Variants in DSN1 observed in about 807,000 individuals in gnomAD.
The protein encoded by DSN1 is kinetochore-associated protein DSN1 homolog.
DSN1 carries 31 observed loss-of-function variants against 45.7 expected under a neutral mutation model. The observed-to-expected ratio is 0.68, with a 90% CI of 0.51 to 0.92. DSN1 has a LOEUF of 0.92. Ranked by LOEUF, DSN1 falls within the 40% of genes least tolerant of loss-of-function variation. The pLI is 0.00. For missense variants in DSN1, 394 were observed against 414.2 expected (o/e 0.95, Z 0.42); for synonymous variants, 134 against 142.3 (o/e 0.94, Z 0.41).
intron 2 of DSN1, 26 bp from the exon 3 acceptor site, chr20:36,771,219 A>G (rs1987633066): frequency 3.8e-6 from 6 of 1,564,698 alleles, no homozygotes; most frequent in Non-Finnish European, 5.2e-6. Flanking sequence ...AAAAAGTCAA[A>G]ATACAAGATC....
chr20:36,754,002 G>A (rs1468466982), intron 10 of DSN1, among the ~76,000 whole-genome samples: 4 of 148,808 alleles, frequency 2.7e-5, no homozygotes, highest in Non-Finnish European at 5.9e-5. Context: ...GTGAAACTCC[G>A]TCTCAAAAAA....
intron 6 of DSN1, among the ~76,000 whole-genome samples, chr20:36,760,308 G>A (rs1986908596): frequency 1.3e-5 from 2 of 152,060 alleles, no homozygotes; most frequent in South Asian, 4.1e-4. Context: ...CAGAAGAAAA[G>A]TCAAAACTCC....
intron 5 of DSN1, among the ~76,000 whole-genome samples, chr20:36,766,316 A>C (rs1271368182): frequency 6.6e-6 from 1 of 152,058 alleles, no homozygotes; most frequent in East Asian, 1.9e-4. Flanking sequence ...ATGGAAGGGA[A>C]GATTATTTTC....
intron 5 of DSN1, among the ~76,000 whole-genome samples, chr20:36,765,875 A>G (rs1218001159): frequency 1.3e-5 from 2 of 150,024 alleles, no homozygotes; most frequent in Non-Finnish European, 3.0e-5. Flanking sequence ...AAAAAACAAC[A>G]CTTAAAGCCT....
Position 36,767,993 on chromosome 20 carries a change from G to A in DSN1, c.405C>T (p.Gly135=). 1 of 1,614,118 alleles carries A rather than the reference G, an allele frequency of 6.2e-7. No individual in the cohort carries two copies. Among genetic ancestry groups the A allele is most frequent in the Non-Finnish European group, 8.5e-7 (1 of 1,180,010 alleles). The stretch of plus-strand genomic sequence containing the variant: ...CCTGGAAACTGGAAAGCAGGAGACA[G>A]CCAAGCCGTTTGCTTTCTGCTAAAT... ...SVDLAESKRL[G]CLLLSSFQFS... is the part of the protein sequence containing the mutation. Residue 135 remains glycine, a synonymous_variant, in exon 4 of 11, where the codon GGC becomes GGT. Transcript: ENST00000373750.
rs538540278 is a variant in DSN1, at chr20:36,765,337, C to T, written c.502+1432G>A. On this transcript the variant is annotated intron_variant, in intron 5 of 10. Transcript: ENST00000373750. ...TTGGGAGGCCAAGGTGGGCGGATCA[C>T]CTGAGGTCGGGAGTTCGAGACCAGC... is the stretch of plus-strand genomic sequence containing the variant. 1.3e-4 allele frequency among the ~76,000 whole-genome samples: 19 copies of T among 150,358 alleles called. No homozygotes were observed. In the East Asian group the frequency reaches 3.5e-3, roughly 28 times the overall value.
chr20:36,769,037 T>A (rs1266652200), intron 3 of DSN1, among the ~76,000 whole-genome samples: 3 of 152,204 alleles, frequency 2.0e-5, no homozygotes, highest in Non-Finnish European at 4.4e-5. Context: ...TCCATTCAGA[T>A]AACAGATAAT....
At chr20:36,769,721 AAAG>A (rs1184645183) in intron 3 of DSN1, among the ~76,000 whole-genome samples, 1 of 152,110 alleles carries the variant, frequency 6.6e-6, no homozygotes, top group East Asian at 1.9e-4. Flanking sequence ...ACCTTAAGAC[AAAG>A]AAGGTTAAGT....
In DSN1 at chr20:36,766,835, T is replaced by A; in HGVS notation, c.436A>T (p.Ile146Phe). 6.2e-7 allele frequency: 1 copy of A among 1,600,566 alleles called. No individual in the cohort carries two copies. Among genetic ancestry groups the A allele is most frequent in the Middle Eastern group, 1.7e-4 (1 of 6,040 alleles). Residue 146 changes from isoleucine (I) to phenylalanine (F), a missense_variant, in exon 5 of 11, where the codon ATT (isoleucine) becomes TTT (phenylalanine). Physicochemically the swap from Ile to Phe is conservative, Grantham distance 21 (BLOSUM62 0). Transcript: ENST00000373750. ...CTTAGGAAAGGTTCAAGTTTCTGAATAGAGAACTAAATAAAGAAAAGCATT... is the reference window on the plus strand; with the variant it reads ...CTTAGGAAAGGTTCAAGTTTCTGAAAAGAGAACTAAATAAAGAAAAGCATT... ...CLLLSSFQFSIQKLEPFLRDT... is the reference protein window; with the variant it reads ...CLLLSSFQFSFQKLEPFLRDT...
chr20:36,773,703 C>T lies in DSN1; in HGVS notation c.-57G>A. On this transcript the variant is annotated 5_prime_UTR_variant, in exon 1 of 11. Coordinates refer to ENST00000373750, the MANE Select transcript of DSN1 (RefSeq NM_001145315.2). ...CGGGTCGCTCTCCACAGCCCCAGGT[C>T]ACTCCTGGACGCCTTGCGCACCCGC... 1.0e-6 allele frequency: 1 copy of T among 985,564 alleles called. No individual in the cohort carries two copies. The highest frequency in any genetic ancestry group is 1.2e-6 in the Non-Finnish European group (1 of 829,996). 61.1% of individuals were successfully genotyped at this position (985,564 alleles called of 1,614,324 possible).
chr20:36,762,383 T>G (rs1987044839), intron 6 of DSN1, 78 bp downstream of exon 6: 2 of 1,348,248 alleles, frequency 1.5e-6, no homozygotes, highest in African/African-American at 2.9e-5. Flanking sequence ...GTGCTGGGAT[T>G]ACAGGCCTGA....
chr20:36,766,156 T>C (rs1987321650), intron 5 of DSN1, among the ~76,000 whole-genome samples: 1 of 140,490 alleles, frequency 7.1e-6, no homozygotes, highest in Non-Finnish European at 1.5e-5. Flanking sequence ...ACTGTGCCAC[T>C]GTATTCCAGC....
At position 36,762,460 on chromosome 20, in the gene DSN1, C is replaced by A. The variant is rs1181939637; in HGVS notation, c.590+1G>T. The stretch of plus-strand genomic sequence containing the variant: ...TAGGACAGAAGGGGAACTGCTCTTA[C>A]CCATTTGAATCTTCAAAACATTTTT... On this transcript the variant is annotated splice_donor_variant, in intron 6 of 10. Transcript: ENST00000373750. LOFTEE classifies it high-confidence loss of function. 3 of 1,612,832 alleles carry A rather than the reference C, an allele frequency of 1.9e-6. No homozygotes were observed. The highest frequency in any genetic ancestry group is 2.5e-6 in the Non-Finnish European group (3 of 1,179,496).
intron 4 of DSN1, among the ~76,000 whole-genome samples, chr20:36,767,157 A>T (rs764242056): frequency 2.0e-4 from 30 of 151,990 alleles, no homozygotes; most frequent in Non-Finnish European, 3.1e-4. Context: ...TACAAAAAAA[A>T]TTAGCGGGGC....
intron 10 of DSN1, 33 bp downstream of exon 10, chr20:36,754,730 C>T (rs763200262): frequency 5.6e-6 from 9 of 1,595,652 alleles, no homozygotes; most frequent in Non-Finnish European, 7.7e-6. Flanking sequence ...GGAAAACAGC[C>T]TGAACTCTGG....
At chr20:36,764,782 T>C (rs1987221141) in intron 5 of DSN1, among the ~76,000 whole-genome samples, 1 of 151,952 alleles carries the variant, frequency 6.6e-6, no homozygotes, top group Non-Finnish European at 1.5e-5. Context: ...TAGCCAGGCA[T>C]GGTGGTGCAT....
Position 36,755,763 on chromosome 20 carries a change from C to G in DSN1, c.792G>C (p.Gln264His). The change falls in exon 9 of 11, where the codon CAG becomes CAC. Residue 264 changes from glutamine (Q) to histidine (H), a missense_variant. By Grantham distance (24) the Gln-to-His change is conservative (BLOSUM62 0). Coordinates refer to ENST00000373750, the MANE Select transcript of DSN1 (RefSeq NM_001145315.2). ...VEPMTYLGSS[Q>H]NEVLNTKPDY... ...CAGGTTTTGTATTAAGAACTTCATT[C>G]TGAGAAGACCCAAGATATGTCATAG... The G allele has an allele frequency of 6.2e-7, 1 of 1,614,064 alleles. No homozygotes were observed. The highest frequency in any genetic ancestry group is 8.5e-7 in the Non-Finnish European group (1 of 1,180,014).
intron 3 of DSN1, among the ~76,000 whole-genome samples, chr20:36,770,125 C>A (rs530895817): frequency 6.6e-6 from 1 of 152,162 alleles, no homozygotes; most frequent in African/African-American, 2.4e-5. Flanking sequence ...GATTGAGTGG[C>A]GCAATCATAG....
In DSN1 at chr20:36,772,792, C is replaced by G. The variant is rs538808959; in HGVS notation, c.-16+870G>C. On this transcript the variant is annotated intron_variant, in intron 1 of 10. Transcript: ENST00000373750. ...TGGCTCAAATATGAAGCTTTCACAT[C>G]ACTTATCTTTGGCAGAGTTGGTGGT... 7.2e-5 allele frequency among the ~76,000 whole-genome samples: 11 copies of G among 152,374 alleles called. No homozygotes were observed. In the East Asian group the frequency reaches 1.9e-3, roughly 27 times the overall value.
Sources: allele counts gnomAD v4.1 joint callset (sites outside exome capture counted in the v4.1 genomes callset), GRCh38; gene constraint gnomAD v4.1.1; transcripts MANE v1.5; gene names NCBI Gene and HGNC (gene_info 2026-07-23, HGNC 2026-07-21).